Variants in DST observed in about 807,000 individuals in gnomAD.
DST encodes dystonin, also known as bullous pemphigoid antigen.
DST carries 253 observed loss-of-function variants against 875.2 expected under a neutral mutation model. The observed-to-expected ratio is 0.29, with a 90% confidence interval of 0.26 to 0.32. The LOEUF (loss-of-function observed/expected upper bound fraction) is 0.32. Ranked by LOEUF, DST falls within the 10% of genes least tolerant of loss-of-function variation. DST has a pLI of 1.00. For missense variants in DST, 8,287 were observed against 9,111.6 expected (o/e 0.91, Z 3.68); for synonymous variants, 3,124 against 3,197.1 (o/e 0.98, Z 0.77).
chr6:56,917,666 C>T (rs1323707895), intron 2 of DST, among the ~76,000 whole-genome samples: 1 of 152,110 alleles, frequency 6.6e-6, no homozygotes, highest in African/African-American at 2.4e-5. Context: ...TGACTTTTCC[C>T]AGTAGACTGA....
In DST at chr6:56,504,084, CCAGT is replaced by C; in HGVS notation, c.19475_19478del (p.Asp6492GlyfsTer2). On this transcript the variant is annotated frameshift_variant, in exon 78 of 104. Coordinates refer to ENST00000680361, the MANE Select transcript of DST (RefSeq NM_001374736.1). LOFTEE classifies it high-confidence loss of function. ...CTAATTTACCACCTGCAATATCTAC[CCAGT>C]CAAATACCGCCTGAAAGACACATTC... 6.2e-7 allele frequency: 1 copy of C among 1,608,434 alleles called. No homozygotes were observed. Among genetic ancestry groups the C allele is most frequent in the Non-Finnish European group, 8.5e-7 (1 of 1,177,478 alleles).
chr6:56,599,275 CTCT>C (rs1186324878), intron 45 of DST, among the ~76,000 whole-genome samples: 1 of 151,870 alleles, frequency 6.6e-6, no homozygotes, highest in Non-Finnish European at 1.5e-5. Context: ...GTAGTTTTTC[CTCT>C]TCTTTTCCTC....
At chr6:56,800,607 T>G (rs1410117159) in intron 4 of DST, among the ~76,000 whole-genome samples, 2 of 152,134 alleles carry the variant, frequency 1.3e-5, no homozygotes, top group African/African-American at 4.8e-5. Context: ...TGGTGGAAGA[T>G]TCAAGAAACT....
intron 5 of DST, among the ~76,000 whole-genome samples, chr6:56,707,845 AAAT>A (rs1187252251): frequency 5.9e-5 from 9 of 152,216 alleles, no homozygotes; most frequent in African/African-American, 1.9e-4. Context: ...TAGAGAAGGA[AAAT>A]AATAATATTA....
chr6:56,787,940 A>T (rs980025841), intron 4 of DST, among the ~76,000 whole-genome samples: 8 of 151,532 alleles, frequency 5.3e-5, no homozygotes, highest in Non-Finnish European at 2.9e-5. Flanking sequence ...CGAGTTCAAG[A>T]CCAGCCTGGC....
At chr6:56,572,361 T>C in intron 52 of DST, 95 bp from the exon 53 acceptor site, 1 of 748,128 alleles carries the variant, frequency 1.3e-6, no homozygotes, top group South Asian at 3.3e-5. Context: ...AATGGCTCTA[T>C]TCATAATTTC....
intron 100 of DST, 112 bp from the exon 101 acceptor site, chr6:56,463,876 CAAG>C (rs1562155006): frequency 8.8e-7 from 1 of 1,139,506 alleles, no homozygotes; most frequent in South Asian, 1.2e-5. Context: ...TTGAGAATTT[CAAG>C]AACATCTTTT....
chr6:56,639,189 C>T (rs1186122675), intron 22 of DST, 70 bp downstream of exon 22: 6 of 1,317,832 alleles, frequency 4.6e-6, no homozygotes, highest in Non-Finnish European at 5.4e-6. Context: ...AACTTCTCAG[C>T]AATAAAAGAA....
intron 4 of DST, chr6:56,843,571 G>A (rs992978090): frequency 9.6e-5 from 94 of 983,850 alleles, no homozygotes; most frequent in Middle Eastern, 5.2e-4. Flanking sequence ...CGTGCTTCGG[G>A]CCGGGCCGAG....
At chr6:56,603,519 C>T (rs2098465313) in intron 41 of DST, 45 bp downstream of exon 41, 1 of 1,590,964 alleles carries the variant, frequency 6.3e-7, no homozygotes, top group African/African-American at 1.4e-5. Flanking sequence ...CCCAGTCATA[C>T]ATCAGCTGAC....
intron 47 of DST, 142 bp from the exon 48 acceptor site, chr6:56,594,335 C>T (rs996511638): frequency 1.2e-5 from 7 of 587,148 alleles, no homozygotes; most frequent in African/African-American, 5.6e-5. Flanking sequence ...CAAGCTATAC[C>T]GTACTCCCTT....
At chr6:56,558,637 C>T (rs921706001) in intron 58 of DST, among the ~76,000 whole-genome samples, 6 of 152,100 alleles carry the variant, frequency 3.9e-5, no homozygotes, top group Non-Finnish European at 8.8e-5. Flanking sequence ...AAAAAAATGT[C>T]ACTTTTAAAA....
intron 58 of DST, among the ~76,000 whole-genome samples, chr6:56,558,226 A>G (rs1023598988): frequency 3.0e-4 from 46 of 152,252 alleles, no homozygotes; most frequent in African/African-American, 1.1e-3. Context: ...TTTGGCCTTC[A>G]TCATGTGTTT....
intron 36 of DST, chr6:56,620,069 TTTC>T: frequency 6.2e-7 from 1 of 1,613,822 alleles, no homozygotes; most frequent in Non-Finnish European, 8.5e-7. Context: ...TTCAGTTATT[TTTC>T]TTCTTGCTTC....
intron 12 of DST, among the ~76,000 whole-genome samples, chr6:56,649,777 T>C (rs1319292414): frequency 6.6e-6 from 1 of 152,192 alleles, no homozygotes; most frequent in Non-Finnish European, 1.5e-5. Context: ...GCAAGGAATA[T>C]GTAGACACTG....
chr6:56,737,488 A>G (rs1339454396), intron 4 of DST, among the ~76,000 whole-genome samples: 1 of 152,228 alleles, frequency 6.6e-6, no homozygotes, highest in African/African-American at 2.4e-5. Flanking sequence ...AATACAATTA[A>G]CAATTCAGTT....
In DST at chr6:56,676,696, A is replaced by T. The variant is rs1439359887; in HGVS notation, c.1048-5889T>A. ...AACAATACAGTACTGATCAGCCTTA[A>T]AAAAAAAAAAAAGGAGGAAATGTAG... On this transcript the variant is annotated intron_variant, in intron 9 of 103. Coordinates refer to ENST00000680361, the MANE Select transcript of DST (RefSeq NM_001374736.1). 5.4e-4 allele frequency among the ~76,000 whole-genome samples: 8 copies of T among 14,864 alleles called. No homozygotes were observed. The East Asian group carries it at 0.021, about 38-fold the overall frequency. The allele number at this position is 14,864 out of a possible 152,430, so 9.8% of individuals were successfully genotyped here. A position where few individuals can be genotyped will look rare whatever the true frequency, so the allele number is the denominator to read the frequency against.
chr6:56,893,562 C>CTTTTTTTTTTTTT (rs1282483681), intron 3 of DST, among the ~76,000 whole-genome samples: 85 of 35,884 alleles, frequency 2.4e-3, no homozygotes, highest in Non-Finnish European at 2.7e-3. Flanking sequence ...ACTTTTAGTT[C>CTTTTTTTTTTTTT]TTTTTTTTTT....
intron 77 of DST, among the ~76,000 whole-genome samples, chr6:56,505,803 G>A (rs564939478): frequency 1.3e-5 from 2 of 152,008 alleles, no homozygotes; most frequent in South Asian, 4.1e-4. Context: ...ATATACCCGA[G>A]TTGGCCTCAA....
Sources: gnomAD v4.1 joint callset for allele counts (sites outside exome capture counted in the v4.1 genomes callset) on GRCh38, gnomAD v4.1.1 for gene constraint, MANE v1.5 for transcripts, NCBI Gene and HGNC (gene_info 2026-07-23, HGNC 2026-07-21) for gene names.